SLC15A1: variants seen among roughly 807,000 people sequenced by gnomAD.
SLC15A1 encodes solute carrier family 15 member 1, also known as Caco-2 oligopeptide transporter.
A neutral mutation model predicts 92.9 loss-of-function variants in SLC15A1; 83 were observed. That is an observed-to-expected ratio of 0.89 (90% CI 0.75 to 1.07). SLC15A1 has a LOEUF of 1.07. Ranked by LOEUF, SLC15A1 falls within the 50% of genes least tolerant of loss-of-function variation. SLC15A1 has a pLI of 0.00. For synonymous variants in SLC15A1, 322 were observed against 318.2 expected, an observed-to-expected ratio of 1.01 and a Z score of -0.13; for missense variants, 857 against 880.1, an observed-to-expected ratio of 0.97 and a Z score of 0.33.
intron 9 of SLC15A1, among the ~76,000 whole-genome samples, chr13:98,713,374 G>C (rs2088183193): frequency 6.6e-6 from 1 of 152,064 alleles, no homozygotes; most frequent in Admixed American, 6.6e-5. Flanking sequence ...TCTCAATTTG[G>C]ATGCTAGATT....
chr13:98,742,317 T>C (rs4646212), intron 1 of SLC15A1, among the ~76,000 whole-genome samples: 38,131 of 152,160 alleles, frequency 0.25, 5,227 homozygotes, highest in African/African-American at 0.34. Context: ...AGGGCTGCTT[T>C]TCCCGCCTAC....
intron 1 of SLC15A1, among the ~76,000 whole-genome samples, chr13:98,737,541 C>T (rs371044903): frequency 5.9e-5 from 9 of 152,248 alleles, no homozygotes; most frequent in East Asian, 1.9e-4. Context: ...CCTCCCCTCA[C>T]GCCTGCTTTT....
At chr13:98,730,301 G>A (rs1055206227) in intron 1 of SLC15A1, among the ~76,000 whole-genome samples, 1 of 143,978 alleles carries the variant, frequency 6.9e-6, no homozygotes, top group African/African-American at 2.6e-5. Flanking sequence ...GGGAGGGGAA[G>A]GGGCATTTTA....
At chr13:98,748,600 T>C (rs1353470506) in intron 1 of SLC15A1, among the ~76,000 whole-genome samples, 1 of 152,202 alleles carries the variant, frequency 6.6e-6, no homozygotes, top group Non-Finnish European at 1.5e-5. Context: ...CAGCTATCCC[T>C]ACGTTAAGAC....
rs1303648033 is a variant in SLC15A1, at chr13:98,728,999, AAAAAAAAC to A, written c.5-2148_5-2141del. The stretch of plus-strand genomic sequence containing the variant: ...CTGTAAAAAAAAAAAAAAAAAAAAA[AAAAAAAAC>A]AACAAGCCCCAAAACAAAAAACAAA... On this transcript the variant is annotated intron_variant, in intron 1 of 22. Coordinates refer to ENST00000376503, the MANE Select transcript of SLC15A1 (RefSeq NM_005073.4). Among the ~76,000 whole-genome samples the A allele has an allele frequency of 1.4e-4, 21 of 147,362 alleles. 1 individual carries two copies. The highest frequency in any genetic ancestry group is 3.6e-3 in the Middle Eastern group (1 of 280).
intron 1 of SLC15A1, among the ~76,000 whole-genome samples, chr13:98,739,245 C>G (rs551082852): frequency 1.3e-5 from 2 of 152,282 alleles, no homozygotes; most frequent in African/African-American, 4.8e-5. Context: ...TCAGATGAGA[C>G]TTTGGACTTG....
At chr13:98,706,058 G>A (rs530034436) in intron 16 of SLC15A1, 76 bp downstream of exon 16, 1 of 1,524,356 alleles carries the variant, frequency 6.6e-7, no homozygotes, top group East Asian at 2.3e-5. Context: ...CAAGGACCAA[G>A]AAAAACAGCT....
chr13:98,690,009 A>G (rs2087962507), intron 18 of SLC15A1, among the ~76,000 whole-genome samples: 1 of 152,210 alleles, frequency 6.6e-6, no homozygotes, highest in East Asian at 1.9e-4. Context: ...TAGCTGTTCC[A>G]GGCTATAGAC....
chr13:98,750,121 T>A (rs1321992139), intron 1 of SLC15A1, among the ~76,000 whole-genome samples: 1 of 152,146 alleles, frequency 6.6e-6, no homozygotes, highest in Non-Finnish European at 1.5e-5. Flanking sequence ...GCAACATTTT[T>A]TTTTTTTTGA....
chr13:98,685,997 AAAGAAG>A (rs149596366), intron 22 of SLC15A1, among the ~76,000 whole-genome samples, 187 bp downstream of exon 22: 1 of 149,772 alleles, frequency 6.7e-6, no homozygotes, highest in Admixed American at 6.6e-5. Context: ...AAAAAAAAAA[AAAGAAG>A]AAGAAGAAGA....
At chr13:98,735,710 G>A (rs1286318244) in intron 1 of SLC15A1, among the ~76,000 whole-genome samples, 2 of 152,068 alleles carry the variant, frequency 1.3e-5, no homozygotes, top group African/African-American at 4.8e-5. Context: ...GACAAACAGA[G>A]AGCCAAATCA....
In SLC15A1 at chr13:98,719,258, C is replaced by A. The variant is rs771677283; in HGVS notation, c.619G>T (p.Ala207Ser). Residue 207 changes from alanine to serine, a missense_variant, in exon 8 of 23, where the codon GCT (alanine) becomes TCT (serine). Ala to Ser is a moderately conservative substitution (Grantham distance 99). Coordinates refer to ENST00000376503, the MANE Select transcript of SLC15A1 (RefSeq NM_005073.4). Reference protein sequence around the residue: ...CYPLAFGVPAALMAVALIVFV... With the variant: ...CYPLAFGVPASLMAVALIVFV... ...TTACTCAGGGCTACAGCCATGAGAG[C>A]AGCAGGAACCCCAAAGGCCAGTGGG... 1.2e-6 allele frequency: 2 copies of A among 1,613,646 alleles called. No individual in the cohort carries two copies. The highest frequency in any genetic ancestry group is 3.3e-5 in the Admixed American group (2 of 60,008).
chr13:98,705,930 C>A (rs2139576555), intron 16 of SLC15A1, among the ~76,000 whole-genome samples: 1 of 152,130 alleles, frequency 6.6e-6, no homozygotes, highest in Middle Eastern at 3.4e-3. Flanking sequence ...TTTTAACCAG[C>A]TCCCTGGGCA....
intron 1 of SLC15A1, among the ~76,000 whole-genome samples, chr13:98,730,258 G>T (rs1414906564): frequency 7.0e-5 from 5 of 71,256 alleles, no homozygotes; most frequent in African/African-American, 3.7e-4. Context: ...GGAGGGGAAG[G>T]GGAGGGGAAG....
At position 98,687,570 on chromosome 13, in the gene SLC15A1, AAAC is replaced by A. The variant is rs763035568; in HGVS notation, c.1827+8_1827+10del. Reference sequence around the variant, plus strand: ...ATTGCAGATGGGTGGTAAATACAACAAACAAGAAACCTGAGAATATGAGAATTC... The same window carrying A: ...ATTGCAGATGGGTGGTAAATACAACAAAGAAACCTGAGAATATGAGAATTC... On this transcript the variant is annotated splice_region_variant and intron_variant, in intron 21 of 22. Coordinates refer to ENST00000376503, the MANE Select transcript of SLC15A1 (RefSeq NM_005073.4). The A allele has an allele frequency of 6.2e-7, 1 of 1,613,626 alleles. No individual in the cohort carries two copies. The highest frequency in any genetic ancestry group is 1.3e-5 in the African/African-American group (1 of 75,014).
chr13:98,726,585 G>A (rs2088303569), intron 2 of SLC15A1, 136 bp from the exon 3 acceptor site: 7 of 835,754 alleles, frequency 8.4e-6, no homozygotes, highest in Admixed American at 2.0e-5. Context: ...CAGGAAACTA[G>A]CATTTAATCA....
intron 8 of SLC15A1, among the ~76,000 whole-genome samples, chr13:98,716,170 A>G (rs1466900890): frequency 6.6e-6 from 1 of 152,210 alleles, no homozygotes; most frequent in African/African-American, 2.4e-5. Context: ...TTTGTCTTCT[A>G]ATATGCAACC....
At chr13:98,688,137 A>G in intron 20 of SLC15A1, 111 bp downstream of exon 20, 4 of 721,368 alleles carry the variant, frequency 5.5e-6, no homozygotes, top group Non-Finnish European at 6.9e-6. Context: ...CATTTAAAAT[A>G]CAGATCCTAA....
chr13:98,728,977 TAAA>T (rs71218592), intron 1 of SLC15A1, among the ~76,000 whole-genome samples: 1,406 of 13,714 alleles, frequency 0.1, 4 homozygotes, highest in Middle Eastern at 0.14. Flanking sequence ...TAAGGCTCTG[TAAA>T]AAAAAAAAAA....
Sources: allele counts gnomAD v4.1 joint callset (sites outside exome capture counted in the v4.1 genomes callset), GRCh38; gene constraint gnomAD v4.1.1; transcripts MANE v1.5; gene names NCBI Gene and HGNC (gene_info 2026-07-23, HGNC 2026-07-21).